Variants in SND1 observed in about 807,000 individuals in gnomAD.
SND1 encodes the protein staphylococcal nuclease and tudor domain containing 1.
A neutral mutation model predicts 121.7 loss-of-function variants in SND1; 38 were observed. The observed-to-expected ratio is 0.31, with a 90% CI of 0.24 to 0.41. The LOEUF is 0.41. Ranked by LOEUF, SND1 falls within the 10% of genes least tolerant of loss-of-function variation. SND1 has a pLI of 1.00. For missense variants in SND1, 868 were observed against 1,184.6 expected (o/e 0.73, Z 3.92); for synonymous variants, 401 against 447.4 (o/e 0.90, Z 1.31).
chr7:127,669,960 T>C (rs1341211310), intron 1 of SND1, among the ~76,000 whole-genome samples: 1 of 152,134 alleles, frequency 6.6e-6, no homozygotes, highest in African/African-American at 2.4e-5. Context: ...ACTGGAGGAC[T>C]TAGGCATTGT....
At chr7:127,685,192 A>G (rs758292514) in intron 1 of SND1, among the ~76,000 whole-genome samples, 2 of 152,158 alleles carry the variant, frequency 1.3e-5, no homozygotes, top group Non-Finnish European at 2.9e-5. Context: ...TTGTGTATTT[A>G]TATCAATATT....
chr7:127,880,415 G>A lies in SND1; in HGVS notation c.1344-7487G>A, dbSNP rs1799768641. On this transcript the variant is annotated intron_variant, in intron 12 of 23. Coordinates refer to ENST00000354725, the MANE Select transcript of SND1 (RefSeq NM_014390.4). Reference sequence around the variant, plus strand: ...TGGAGCATATATTTCTTGCGGATAAGGAGGGACTACTGTATTATGGATATA... The same window carrying A: ...TGGAGCATATATTTCTTGCGGATAAAGAGGGACTACTGTATTATGGATATA... Among the ~76,000 whole-genome samples the A allele has an allele frequency of 2.0e-5, 3 of 152,076 alleles. No individual in the cohort carries two copies. The South Asian group carries it at 6.2e-4, about 31-fold the overall frequency.
intron 18 of SND1, among the ~76,000 whole-genome samples, chr7:128,084,274 T>A (rs1205827434): frequency 6.6e-6 from 1 of 152,170 alleles, no homozygotes; most frequent in African/African-American, 2.4e-5. Flanking sequence ...GTGGCTTCTG[T>A]CAGTTACCAC....
intron 16 of SND1, among the ~76,000 whole-genome samples, chr7:127,996,625 G>T (rs1802663620): frequency 1.3e-5 from 2 of 152,154 alleles, no homozygotes; most frequent in Admixed American, 1.3e-4. Context: ...GGTGAATCCA[G>T]TGCAACCTAC....
intron 16 of SND1, among the ~76,000 whole-genome samples, chr7:128,068,592 G>A (rs1793356688): frequency 6.6e-6 from 1 of 152,212 alleles, no homozygotes; most frequent in Non-Finnish European, 1.5e-5. Context: ...TGGAGCCCAG[G>A]GCACTGAGAC....
intron 12 of SND1, chr7:127,857,853 G>T (rs1056272419): frequency 1.5e-5 from 18 of 1,209,372 alleles, no homozygotes; most frequent in Non-Finnish European, 2.0e-5. Context: ...AGTCTCAGGT[G>T]TAGAGGTCAA....
chr7:127,807,120 T>A (rs1798251815), intron 10 of SND1, among the ~76,000 whole-genome samples: 1 of 152,220 alleles, frequency 6.6e-6, no homozygotes, highest in African/African-American at 2.4e-5. Context: ...AGTAAAGATT[T>A]TTTGAGTAAT....
At chr7:127,893,161 A>C (rs1010637958) in intron 13 of SND1, among the ~76,000 whole-genome samples, 1 of 151,992 alleles carries the variant, frequency 6.6e-6, no homozygotes, top group African/African-American at 2.4e-5. Flanking sequence ...AAAATCTTTC[A>C]TATGCTCTAT....
chr7:128,084,886 G>C, intron 19 of SND1, 39 bp downstream of exon 19: 1 of 1,568,388 alleles, frequency 6.4e-7, no homozygotes, highest in Non-Finnish European at 8.7e-7. Flanking sequence ...TCTTGAGCAG[G>C]AACGATAGCA....
chr7:127,764,853 G>T (rs987598449), intron 10 of SND1, among the ~76,000 whole-genome samples: 1 of 152,298 alleles, frequency 6.6e-6, no homozygotes, highest in Admixed American at 6.5e-5. Context: ...GACTGGTGAA[G>T]TCGATCGAGG....
chr7:127,951,267 T>C (rs535935870), intron 15 of SND1, among the ~76,000 whole-genome samples: 1 of 152,366 alleles, frequency 6.6e-6, no homozygotes, highest in African/African-American at 2.4e-5. Flanking sequence ...TCCTGCCATT[T>C]ACGACAACAT....
At chr7:127,708,889 C>A (rs149962956) in intron 9 of SND1, among the ~76,000 whole-genome samples, 1 of 152,170 alleles carries the variant, frequency 6.6e-6, no homozygotes, top group African/African-American at 2.4e-5. Context: ...GTCAACTAAC[C>A]ATGAGTTTAG....
At chr7:127,655,041 C>T (rs1418938848) in intron 1 of SND1, among the ~76,000 whole-genome samples, 1 of 152,206 alleles carries the variant, frequency 6.6e-6, no homozygotes, top group Non-Finnish European at 1.5e-5. Flanking sequence ...AATAGGAAAA[C>T]AGGAGACACT....
intron 10 of SND1, among the ~76,000 whole-genome samples, chr7:127,747,182 G>A (rs1395700271): frequency 6.6e-6 from 1 of 152,156 alleles, no homozygotes; most frequent in Non-Finnish European, 1.5e-5. Flanking sequence ...GGTCGACCAA[G>A]TTCTTCAAAG....
At position 128,089,352 on chromosome 7, in the gene SND1, C is replaced by T. The variant is rs571189896; in HGVS notation, c.2419-137C>T. 3 of 811,232 alleles carry T rather than the reference C, an allele frequency of 3.7e-6. 1 individual carries two copies. In the South Asian group the frequency reaches 5.7e-5, roughly 15 times the overall value. The allele number at this position is 811,232 out of a possible 1,614,324, so 50.3% of individuals were successfully genotyped here. A position where few individuals can be genotyped will look rare whatever the true frequency, so the allele number is the denominator to read the frequency against. On this transcript the variant is annotated intron_variant, in intron 21 of 23. Coordinates refer to ENST00000354725, the MANE Select transcript of SND1 (RefSeq NM_014390.4). ...TACAGGCATGAGCCACCGTGCCTGG[C>T]CAACCTCACTAGGGTTCTCTGGGGA...
intron 3 of SND1, among the ~76,000 whole-genome samples, chr7:127,698,598 C>T (rs116695258): frequency 6.6e-6 from 1 of 152,108 alleles, no homozygotes; most frequent in South Asian, 2.1e-4. Context: ...TGTCCGTCTC[C>T]CATGGTTCCT....
chr7:127,946,882 A>G (rs990382650), intron 15 of SND1, among the ~76,000 whole-genome samples: 1 of 152,264 alleles, frequency 6.6e-6, no homozygotes, highest in Non-Finnish European at 1.5e-5. Flanking sequence ...AATTGTTAAC[A>G]TATTGCCCCA....
rs555493885 is a variant in SND1, at chr7:127,781,979, G to A, written c.1153-25505G>A. Among the ~76,000 whole-genome samples the A allele has an allele frequency of 4.6e-5, 7 of 152,190 alleles. No individual in the cohort carries two copies. In the South Asian group the frequency reaches 1.5e-3, roughly 32 times the overall value. On this transcript the variant is annotated intron_variant, in intron 10 of 23. Coordinates refer to ENST00000354725, the MANE Select transcript of SND1 (RefSeq NM_014390.4). ...TAAGACAACATCCCATAAAATTTTC[G>A]CTTGGGTTATATACAATTAATCTGA...
intron 15 of SND1, among the ~76,000 whole-genome samples, chr7:127,951,647 A>G: frequency 6.6e-6 from 1 of 152,122 alleles, no homozygotes. Context: ...GAGTAAAGCT[A>G]ATTTTGGGGG....
Sources: gnomAD v4.1 joint callset for allele counts (sites outside exome capture counted in the v4.1 genomes callset) on GRCh38, gnomAD v4.1.1 for gene constraint, MANE v1.5 for transcripts, NCBI Gene and HGNC (gene_info 2026-07-23, HGNC 2026-07-21) for gene names.